Variants in LRMDA observed in about 807,000 individuals in gnomAD.
The protein encoded by LRMDA is leucine-rich melanocyte differentiation-associated protein.
A neutral mutation model predicts 29.8 loss-of-function variants in LRMDA; 18 were observed. The ratio of observed to expected loss-of-function variants is 0.60; its 90% CI spans 0.42 to 0.90. The LOEUF is 0.90. Among genes scored for constraint, LRMDA ranks in the 40% least tolerant of loss-of-function variants. LRMDA has a pLI of 0.00. For synonymous variants in LRMDA, 125 were observed against 109.4 expected (o/e 1.14, Z -0.89); for missense variants, 273 against 273.9 (o/e 1.00, Z 0.02).
intron 5 of LRMDA, among the ~76,000 whole-genome samples, chr10:76,223,886 C>T (rs1182311420): frequency 6.6e-6 from 1 of 152,170 alleles, no homozygotes; most frequent in Non-Finnish European, 1.5e-5. Flanking sequence ...TTCACTTCCT[C>T]TTTGGGAGAA....
At chr10:75,513,655 T>C (rs1023032591) in intron 2 of LRMDA, among the ~76,000 whole-genome samples, 57 of 152,336 alleles carry the variant, frequency 3.7e-4, no homozygotes, top group African/African-American at 1.3e-3. Context: ...TCTGTTTCTT[T>C]GCCTTCCCAG....
At chr10:75,690,129 G>C (rs1472932307) in intron 2 of LRMDA, among the ~76,000 whole-genome samples, 1 of 152,182 alleles carries the variant, frequency 6.6e-6, no homozygotes, top group Non-Finnish European at 1.5e-5. Context: ...AGAAACCCTA[G>C]AGATTGATTC....
At chr10:76,167,997 T>C (rs1850771586) in intron 5 of LRMDA, among the ~76,000 whole-genome samples, 1 of 152,184 alleles carries the variant, frequency 6.6e-6, no homozygotes, top group Admixed American at 6.5e-5. Flanking sequence ...TTTCTAGGTA[T>C]TTTATTCTTT....
At chr10:76,020,976 G>C (rs1847965440) in intron 2 of LRMDA, among the ~76,000 whole-genome samples, 1 of 152,146 alleles carries the variant, frequency 6.6e-6, no homozygotes, top group Non-Finnish European at 1.5e-5. Context: ...ATAAATTTCT[G>C]GCTCTCTTCT....
At chr10:76,508,120 GTATCAGGAGGTATGTGA>G (rs1280557467) in intron 6 of LRMDA, among the ~76,000 whole-genome samples, 3 of 152,166 alleles carry the variant, frequency 2.0e-5, no homozygotes, top group Non-Finnish European at 2.9e-5. Context: ...TCAGTGCATT[GTATCAGGAGGTATGTGA>G]TATCAATTTC....
At chr10:76,348,103 C>T (rs1422511612) in intron 6 of LRMDA, among the ~76,000 whole-genome samples, 1 of 151,832 alleles carries the variant, frequency 6.6e-6, no homozygotes, top group African/African-American at 2.4e-5. Context: ...GGGGATAGAC[C>T]CCATCATTAA....
chr10:75,697,128 GGAGGT>G (rs1842244491), intron 2 of LRMDA, among the ~76,000 whole-genome samples: 1 of 152,108 alleles, frequency 6.6e-6, no homozygotes, highest in Admixed American at 6.6e-5. Flanking sequence ...GTCACCTCAA[GGAGGT>G]GAGATCAGTA....
chr10:75,455,119 T>G (rs1432016385), intron 2 of LRMDA, among the ~76,000 whole-genome samples: 1 of 152,118 alleles, frequency 6.6e-6, no homozygotes, highest in Non-Finnish European at 1.5e-5. Flanking sequence ...CTGAGCTAGG[T>G]GGTCTTTCTT....
At chr10:76,058,949 T>A (rs1290067715) in intron 5 of LRMDA, among the ~76,000 whole-genome samples, 166 bp downstream of exon 5, 2 of 152,172 alleles carry the variant, frequency 1.3e-5, no homozygotes, top group Non-Finnish European at 2.9e-5. Context: ...TAGGGTTAGG[T>A]GTAAATTGGA....
intron 5 of LRMDA, among the ~76,000 whole-genome samples, chr10:76,155,721 G>A (rs111830639): frequency 2.2e-4 from 33 of 152,128 alleles, no homozygotes; most frequent in African/African-American, 6.3e-4. Context: ...TTGTTTAAGC[G>A]CCTAAACTTT....
intron 2 of LRMDA, among the ~76,000 whole-genome samples, chr10:75,732,542 G>A (rs1382296408): frequency 6.6e-6 from 1 of 152,206 alleles, no homozygotes; most frequent in African/African-American, 2.4e-5. Flanking sequence ...TTGGGGAGCT[G>A]GAATGTGGCA....
At chr10:75,888,955 A>G (rs966243565) in intron 2 of LRMDA, among the ~76,000 whole-genome samples, 22 of 152,200 alleles carry the variant, frequency 1.4e-4, no homozygotes, top group African/African-American at 5.1e-4. Context: ...GTTTTCTTTA[A>G]AAATGCCTTA....
chr10:76,551,571 G>A, intron 6 of LRMDA, among the ~76,000 whole-genome samples: 1 of 152,060 alleles, frequency 6.6e-6, no homozygotes, highest in East Asian at 1.9e-4. Context: ...TAAGTTGAAG[G>A]GCTTACAACT....
At chr10:75,880,430 G>A (rs1845275527) in intron 2 of LRMDA, among the ~76,000 whole-genome samples, 1 of 152,188 alleles carries the variant, frequency 6.6e-6, no homozygotes. Flanking sequence ...TTCTGTGTAA[G>A]CCCTAAAACA....
intron 2 of LRMDA, among the ~76,000 whole-genome samples, chr10:75,607,197 A>G (rs1840966878): frequency 6.6e-6 from 1 of 152,272 alleles, no homozygotes; most frequent in South Asian, 2.1e-4. Flanking sequence ...AGTGATCAAG[A>G]CATTTCAGAA....
intron 2 of LRMDA, among the ~76,000 whole-genome samples, chr10:75,872,888 C>T (rs1281527895): frequency 6.6e-6 from 1 of 152,128 alleles, no homozygotes; most frequent in Non-Finnish European, 1.5e-5. Context: ...CTTGTCTTCT[C>T]TCCTTCTTAG....
At chr10:75,899,751 C>T (rs1441892853) in intron 2 of LRMDA, among the ~76,000 whole-genome samples, 5 of 152,256 alleles carry the variant, frequency 3.3e-5, no homozygotes, top group African/African-American at 1.2e-4. Context: ...CTGGACATAT[C>T]CCCAAAGTAC....
intron 2 of LRMDA, among the ~76,000 whole-genome samples, chr10:75,945,827 A>T (rs1846466930): frequency 1.3e-5 from 2 of 152,128 alleles, no homozygotes; most frequent in South Asian, 4.2e-4. Flanking sequence ...CTAGACCCTC[A>T]GTTTGCAAAA....
chr10:75,976,833 G>A (rs1847080189), intron 2 of LRMDA, among the ~76,000 whole-genome samples: 1 of 152,162 alleles, frequency 6.6e-6, no homozygotes, highest in Admixed American at 6.5e-5. Context: ...CAGAGCATGT[G>A]TTCCTAATCG....
Sources: allele counts gnomAD v4.1 joint callset (sites outside exome capture counted in the v4.1 genomes callset), GRCh38; gene constraint gnomAD v4.1.1; transcripts MANE v1.5; gene names NCBI Gene and HGNC (gene_info 2026-07-23, HGNC 2026-07-21).